The following MYO16 variants were observed in gnomAD, a reference collection of about 807,000 sequenced individuals.
MYO16 encodes unconventional myosin-XVI.
Under a neutral mutation model 205.3 loss-of-function variants are expected in MYO16, and 94 were observed. That is an observed-to-expected ratio of 0.46 (90% confidence interval 0.39 to 0.54). MYO16 has a LOEUF of 0.54. Ranked by LOEUF, MYO16 falls within the 20% of genes least tolerant of loss-of-function variation. The pLI, the probability that MYO16 is intolerant of heterozygous loss-of-function variation, is 0.00. For synonymous variants in MYO16, 988 were observed against 954.0 expected (o/e 1.04, Z -0.66); for missense variants, 2,315 against 2,387.5 (o/e 0.97, Z 0.63).
chr13:108,906,014 C>T (rs1026622800), intron 15 of MYO16, among the ~76,000 whole-genome samples: 12 of 152,196 alleles, frequency 7.9e-5, no homozygotes, highest in Non-Finnish European at 1.3e-4. Context: ...GCCCGCTGGC[C>T]TTGGGCAGCT....
At chr13:108,826,946 T>G (rs2139030537) in intron 9 of MYO16, among the ~76,000 whole-genome samples, 1 of 152,228 alleles carries the variant, frequency 6.6e-6, no homozygotes, top group South Asian at 2.1e-4. Flanking sequence ...GAATGTCAAA[T>G]GGTGAGGCAG....
intron 30 of MYO16, among the ~76,000 whole-genome samples, chr13:109,126,973 G>A (rs1876281942): frequency 1.3e-5 from 2 of 152,248 alleles, no homozygotes; most frequent in South Asian, 2.1e-4. Flanking sequence ...AATTCATTCA[G>A]TGAGTGCCTG....
At chr13:108,708,866 G>A (rs1301972828) in intron 2 of MYO16, among the ~76,000 whole-genome samples, 1 of 152,166 alleles carries the variant, frequency 6.6e-6, no homozygotes. Context: ...GTTGGTGATG[G>A]TGGGAAGCAG....
At chr13:108,684,800 G>A (rs1315359178) in intron 2 of MYO16, among the ~76,000 whole-genome samples, 1 of 152,104 alleles carries the variant, frequency 6.6e-6, no homozygotes, top group Non-Finnish European at 1.5e-5. Flanking sequence ...GAGAGTTCCC[G>A]GATTACTGAA....
chr13:108,841,964 C>G (rs1438557152), intron 9 of MYO16, among the ~76,000 whole-genome samples: 1 of 151,830 alleles, frequency 6.6e-6, no homozygotes, highest in Admixed American at 6.6e-5. Flanking sequence ...CTGCCAAGAC[C>G]CAATAGGGAA....
the MYO16 span, among the ~76,000 whole-genome samples, chr13:108,568,272 A>G: frequency 2.0e-4 from 31 of 152,266 alleles, no homozygotes; most frequent in African/African-American, 7.5e-4. Flanking sequence ...TTGAGAAGCT[A>G]TCAAACTTTT....
intron 16 of MYO16, among the ~76,000 whole-genome samples, chr13:108,941,833 G>A (rs1406682101): frequency 1.3e-5 from 2 of 151,890 alleles, no homozygotes; most frequent in Non-Finnish European, 2.9e-5. Context: ...GTTTGTTGTT[G>A]GTGTGAAAAC....
chr13:108,688,080 T>A (rs1386080853), intron 2 of MYO16, among the ~76,000 whole-genome samples: 11 of 152,220 alleles, frequency 7.2e-5, no homozygotes, highest in Non-Finnish European at 1.6e-4. Flanking sequence ...TTCTTCTTAT[T>A]GTGACTTAGT....
intron 23 of MYO16, among the ~76,000 whole-genome samples, chr13:109,032,672 A>G (rs1238517408): frequency 2.0e-5 from 3 of 152,206 alleles, no homozygotes; most frequent in African/African-American, 7.2e-5. Flanking sequence ...AGCTAGATAG[A>G]TGGGCAGGCA....
At chr13:108,636,539 C>T (rs748360725) in intron 1 of MYO16, among the ~76,000 whole-genome samples, 25 of 151,746 alleles carry the variant, frequency 1.6e-4, no homozygotes, top group Non-Finnish European at 5.9e-5. Context: ...ACCACAACAC[C>T]GAGCTAATTT....
intron 31 of MYO16, among the ~76,000 whole-genome samples, chr13:109,128,154 G>T (rs995073909): frequency 1.3e-5 from 2 of 152,154 alleles, no homozygotes; most frequent in Non-Finnish European, 2.9e-5. Context: ...AAAAATAAAG[G>T]AAGTGCTTCT....
At chr13:109,177,037 G>A (rs561883992) in intron 33 of MYO16, among the ~76,000 whole-genome samples, 2 of 152,186 alleles carry the variant, frequency 1.3e-5, no homozygotes, top group Non-Finnish European at 2.9e-5. Flanking sequence ...TCACATTTCC[G>A]CGAAGCGTCC....
the MYO16 span, among the ~76,000 whole-genome samples, chr13:108,551,443 C>A: frequency 0.01 from 1,550 of 152,258 alleles, 19 homozygotes; most frequent in Non-Finnish European, 0.015. Context: ...TTGACTTGTC[C>A]ATTTGCCATT....
chr13:108,951,495 C>G (rs1445036371), intron 16 of MYO16, among the ~76,000 whole-genome samples: 1 of 152,116 alleles, frequency 6.6e-6, no homozygotes, highest in Non-Finnish European at 1.5e-5. Flanking sequence ...ATATCCCTGC[C>G]AATTAAATAC....
In MYO16 at chr13:108,654,789, G is replaced by T. The variant is rs1464037809; in HGVS notation, c.29-11097G>T. On this transcript the variant is annotated intron_variant, in intron 1 of 34. Transcript: ENST00000457511. ...TCAGATGGAGATGAGAAACTTGTTGGGAACTGGAGCAAAGGTGACTCTTGC... is the reference window on the plus strand; with the variant it reads ...TCAGATGGAGATGAGAAACTTGTTGTGAACTGGAGCAAAGGTGACTCTTGC... 3.3e-5 allele frequency among the ~76,000 whole-genome samples: 5 copies of T among 152,264 alleles called. No individual in the cohort carries two copies. In the South Asian group the frequency reaches 8.3e-4, roughly 25 times the overall value.
At chr13:109,108,270 A>G (rs1410032970) in intron 28 of MYO16, among the ~76,000 whole-genome samples, 1 of 152,208 alleles carries the variant, frequency 6.6e-6, no homozygotes, top group Non-Finnish European at 1.5e-5. Context: ...TGAATGAATG[A>G]ATGAATAAAT....
chr13:109,112,289 G>A (rs1889312859), intron 28 of MYO16, among the ~76,000 whole-genome samples: 1 of 152,134 alleles, frequency 6.6e-6, no homozygotes, highest in African/African-American at 2.4e-5. Context: ...GAGTTAAAAA[G>A]CAGATAAAGG....
At position 108,967,515 on chromosome 13, in the gene MYO16, A is replaced by G. The variant is rs573321876; in HGVS notation, c.2369+2613A>G. Among the ~76,000 whole-genome samples, 3 of 152,224 alleles carry G rather than the reference A, an allele frequency of 2.0e-5. No individual in the cohort carries two copies. The South Asian group carries it at 6.2e-4, about 32-fold the overall frequency. ...GTCTACAAGTAATGTGTGGCTGCCT[A>G]CTGGGGTGTTGTCCTCTGTGAGCCT... is the stretch of plus-strand genomic sequence containing the variant. On this transcript the variant is annotated intron_variant, in intron 20 of 34. Coordinates refer to ENST00000457511, the MANE Select transcript of MYO16 (RefSeq NM_001198950.3).
intron 1 of MYO16, among the ~76,000 whole-genome samples, chr13:108,649,599 C>A (rs191804140): frequency 2.6e-5 from 4 of 152,144 alleles, no homozygotes; most frequent in African/African-American, 9.7e-5. Flanking sequence ...TTAGTATTAA[C>A]CTTCAATAAG....
Sources: gnomAD v4.1 joint callset for allele counts (sites outside exome capture counted in the v4.1 genomes callset) on GRCh38, gnomAD v4.1.1 for gene constraint, MANE v1.5 for transcripts, NCBI Gene and HGNC (gene_info 2026-07-23, HGNC 2026-07-21) for gene names.